Variants in CYTH4 observed in about 807,000 individuals in gnomAD.
The protein encoded by CYTH4 is cytohesin-4.
In CYTH4, 22 loss-of-function variants were observed where a neutral mutation model predicts 57.5. The observed-to-expected ratio is 0.38, with a 90% confidence interval of 0.27 to 0.55. The LOEUF (loss-of-function observed/expected upper bound fraction) is 0.55, where lower values mean the gene tolerates loss of function less well. CYTH4 is among the 20% of genes least tolerant of loss of function. The probability of loss-of-function intolerance (pLI) is 0.74; values close to 1 mark genes in which losing one functional copy is unlikely to be tolerated. For synonymous variants in CYTH4, 186 were observed against 206.5 expected, an observed-to-expected ratio of 0.90 and a Z score of 0.85; for missense variants, 420 against 535.6, an observed-to-expected ratio of 0.78 and a Z score of 2.13.
chr22:37,284,948 G>T (rs1025847069), intron 1 of CYTH4, among the ~76,000 whole-genome samples: 13 of 86,988 alleles, frequency 1.5e-4, no homozygotes, highest in East Asian at 6.9e-4. Flanking sequence ...CTGGGGCGGT[G>T]GGGGGGCGGC....
Position 37,297,587 on chromosome 22 carries a change from C to T in CYTH4, c.258C>T (p.His86=), listed in dbSNP as rs201241934. Reference sequence around the variant, plus strand: ...AGGGTATCCAGTATTTCATTGAGCACAAGCTGCTGACCCCTGACGTCCAGG... The same window carrying T: ...AGGGTATCCAGTATTTCATTGAGCATAAGCTGCTGACCCCTGACGTCCAGG... ...PAKGIQYFIE[H]KLLTPDVQDI... is the part of the protein sequence containing the mutation. The change falls in exon 5 of 13, where the codon CAC becomes CAT. Residue 86 remains histidine (H), a synonymous_variant. Coordinates refer to ENST00000248901, the MANE Select transcript of CYTH4 (RefSeq NM_013385.5). 5.7e-5 allele frequency: 92 copies of T among 1,613,874 alleles called. No homozygotes were observed. The highest frequency in any genetic ancestry group is 7.1e-5 in the Non-Finnish European group (84 of 1,179,846).
At chr22:37,283,222 C>G (rs1928429115) in intron 1 of CYTH4, among the ~76,000 whole-genome samples, 1 of 152,072 alleles carries the variant, frequency 6.6e-6, no homozygotes, top group Non-Finnish European at 1.5e-5. Context: ...GCAACAGAGG[C>G]TCTGGTTGAA....
chr22:37,300,599 C>T (rs975777431), intron 6 of CYTH4, among the ~76,000 whole-genome samples: 4 of 152,250 alleles, frequency 2.6e-5, no homozygotes, highest in Admixed American at 2.0e-4. Flanking sequence ...CCACAGACCC[C>T]GGGGCAGGCA....
At chr22:37,301,114 C>A in intron 7 of CYTH4, 95 bp downstream of exon 7, 1 of 1,019,070 alleles carries the variant, frequency 9.8e-7, no homozygotes, top group Non-Finnish European at 1.5e-6. Flanking sequence ...CCCAGGTACC[C>A]AGACCCTGGC....
At position 37,309,338 on chromosome 22, in the gene CYTH4, GAC is replaced by G; in HGVS notation, c.808+20_808+21del. The G allele has an allele frequency of 1.2e-6, 2 of 1,607,962 alleles. No individual in the cohort carries two copies. Among genetic ancestry groups the G allele is most frequent in the Non-Finnish European group, 1.7e-6 (2 of 1,174,446 alleles). The stretch of plus-strand genomic sequence containing the variant: ...GCTCAAGCTAGGTGAGAGACCGACA[GAC>G]ACACGTCGTCGCACACACACTCATG... On this transcript the variant is annotated intron_variant, in intron 9 of 12. Coordinates refer to ENST00000248901, the MANE Select transcript of CYTH4 (RefSeq NM_013385.5).
intron 8 of CYTH4, among the ~76,000 whole-genome samples, chr22:37,306,739 G>A (rs897354205): frequency 9.9e-5 from 15 of 152,190 alleles, no homozygotes; most frequent in Admixed American, 3.3e-4. Flanking sequence ...CTCAGCAACC[G>A]CCTCCTCTGT....
chr22:37,304,386 A>G, intron 8 of CYTH4: 4 of 413,242 alleles, frequency 9.7e-6, no homozygotes, highest in South Asian at 5.0e-5. Flanking sequence ...TATGGGCCAC[A>G]GGGAGCCAGG....
At position 37,303,387 on chromosome 22, in the gene CYTH4, C is replaced by A. The variant is rs141320333; in HGVS notation, c.681C>A (p.Pro227=). Reference sequence around the variant, plus strand: ...GCATCAACAATGGTAGCGACCTGCCCGAGGACCAGCTGCGGGTGAGAGAGG... The same window carrying A: ...GCATCAACAATGGTAGCGACCTGCCAGAGGACCAGCTGCGGGTGAGAGAGG... ...NRGINNGSDL[P]EDQLRNLFDS... Residue 227 remains proline (P), a synonymous_variant, in exon 8 of 13, where the codon CCC becomes CCA. Transcript: ENST00000248901. The A allele has an allele frequency of 6.2e-7, 1 of 1,613,360 alleles. No individual in the cohort carries two copies.
At chr22:37,297,477 C>A in intron 4 of CYTH4, 87 bp from the exon 5 acceptor site, 1 of 1,194,892 alleles carries the variant, frequency 8.4e-7, no homozygotes, top group Non-Finnish European at 1.2e-6. Context: ...CTCCAGGATT[C>A]TGGCCATGGA....
At position 37,311,898 on chromosome 22, in the gene CYTH4, C is replaced by A; in HGVS notation, c.958-122C>A. ...AGTGTGGGAGCAGCAGCTCCTGCCC[C>A]TTCGCCTGTCGTAGGGCTGTCACGC... On this transcript the variant is annotated intron_variant, in intron 11 of 12. Transcript: ENST00000248901. This position sits in a 1 kb window ranked among gnomAD's most constrained non-coding sequence, Gnocchi z 4.4. The A allele has an allele frequency of 7.8e-7, 1 of 1,282,974 alleles. No homozygotes were observed. The highest frequency in any genetic ancestry group is 1.5e-5 in the African/African-American group (1 of 66,836). The allele number at this position is 1,282,974 out of a possible 1,614,324, so 79.5% of individuals were successfully genotyped here.
At chr22:37,288,916 G>T (rs2145855024) in intron 1 of CYTH4, among the ~76,000 whole-genome samples, 1 of 152,360 alleles carries the variant, frequency 6.6e-6, no homozygotes, top group South Asian at 2.1e-4. Flanking sequence ...GCTGTAGAGA[G>T]CATCCCTTGG....
chr22:37,284,076 G>C (rs1383277868), intron 1 of CYTH4, among the ~76,000 whole-genome samples: 4 of 152,224 alleles, frequency 2.6e-5, no homozygotes, highest in African/African-American at 9.7e-5. Flanking sequence ...GTCAGCAGCA[G>C]AGCAGGGACG....
chr22:37,310,060 A>T (rs1484968721), intron 9 of CYTH4: 1 of 464,656 alleles, frequency 2.2e-6, no homozygotes, highest in African/African-American at 2.0e-5. Context: ...ATGTTGAAGC[A>T]GGGGTCTCAA....
intron 1 of CYTH4, among the ~76,000 whole-genome samples, chr22:37,284,768 C>T (rs972785556): frequency 6.6e-6 from 1 of 152,146 alleles, no homozygotes; most frequent in Non-Finnish European, 1.5e-5. Context: ...AGGGCTGCCT[C>T]CCCTCCTCTC....
intron 1 of CYTH4, among the ~76,000 whole-genome samples, chr22:37,285,552 C>T (rs1208826479): frequency 6.6e-6 from 1 of 150,516 alleles, no homozygotes; most frequent in African/African-American, 2.4e-5. Flanking sequence ...ACTAAAAATA[C>T]AAAAAAAAAT....
chr22:37,286,051 C>T (rs116548708), intron 1 of CYTH4, among the ~76,000 whole-genome samples: 111 of 152,306 alleles, frequency 7.3e-4, no homozygotes, highest in African/African-American at 2.6e-3. Flanking sequence ...AATCCCACTC[C>T]CCTGGGAACC....
chr22:37,304,559 G>A (rs8138201), intron 8 of CYTH4, among the ~76,000 whole-genome samples: 2,760 of 152,254 alleles, frequency 0.018, 88 homozygotes, highest in African/African-American at 0.063. Context: ...CGAACACCAC[G>A]GTCCCAGCTC....
Position 37,298,910 on chromosome 22 carries a change from G to A in CYTH4, c.354-316G>A, listed in dbSNP as rs547099649. Among the ~76,000 whole-genome samples the A allele has an allele frequency of 7.2e-5, 11 of 152,138 alleles. No individual in the cohort carries two copies. Among genetic ancestry groups the A allele is most frequent in the African/African-American group, 2.7e-4 (11 of 41,430 alleles). On this transcript the variant is annotated intron_variant, in intron 5 of 12. Coordinates refer to ENST00000248901, the MANE Select transcript of CYTH4 (RefSeq NM_013385.5). The surrounding 1 kb of genome is among the most constrained non-coding windows in gnomAD (Gnocchi z 4.1). ...GCTGGGAAGGTCAAGTGGCTTCCGCGAGGTCACCAGGTGGGAAGTTACAGG... is the reference window on the plus strand; with the variant it reads ...GCTGGGAAGGTCAAGTGGCTTCCGCAAGGTCACCAGGTGGGAAGTTACAGG...
chr22:37,309,136 A>ACAGGC lies in CYTH4; in HGVS notation c.697-64_697-60dup, dbSNP rs912245224. ...AGGTGAGTGACCTGCTCAAGGCCAC[A>ACAGGC]CAGGCCAGGCCAGGCCTAGGCCTTG... On this transcript the variant is annotated intron_variant, in intron 8 of 12. Transcript: ENST00000248901. The ACAGGC allele has an allele frequency of 2.6e-5, 34 of 1,325,922 alleles. No homozygotes were observed. The Middle Eastern group carries it at 5.5e-4, about 22-fold the overall frequency. The allele number at this position is 1,325,922 out of a possible 1,614,324, so 82.1% of individuals were successfully genotyped here. A position where few individuals can be genotyped will look rare whatever the true frequency, so the allele number is the denominator to read the frequency against.
Sources: gnomAD v4.1 joint callset for allele counts (sites outside exome capture counted in the v4.1 genomes callset) on GRCh38, gnomAD v4.1.1 for gene constraint, Gnocchi (gnomAD v3.1) non-coding constraint, MANE v1.5 for transcripts, NCBI Gene and HGNC (gene_info 2026-07-23, HGNC 2026-07-21) for gene names.